The following PDGFD variants were observed in gnomAD, a reference collection of about 807,000 sequenced individuals.
The protein encoded by PDGFD is platelet-derived growth factor D.
Under a neutral mutation model 44.7 loss-of-function variants are expected in PDGFD, and 30 were observed. The observed-to-expected ratio is 0.67, with a 90% CI of 0.50 to 0.91. PDGFD has a LOEUF of 0.91. PDGFD is among the 40% of genes least tolerant of loss of function. PDGFD has a pLI of 0.00. For missense variants in PDGFD, 445 were observed against 457.8 expected, an observed-to-expected ratio of 0.97 and a Z score of 0.25; for synonymous variants, 173 against 168.4, an observed-to-expected ratio of 1.03 and a Z score of -0.21.
At chr11:103,947,610 T>A in intron 4 of PDGFD, 52 bp downstream of exon 4, 1 of 1,446,902 alleles carries the variant, frequency 6.9e-7, no homozygotes, top group Non-Finnish European at 9.7e-7. Context: ...GGGGTTGACC[T>A]TAGCTGTTCC....
intron 3 of PDGFD, among the ~76,000 whole-genome samples, chr11:103,964,167 CT>C (rs974331242): frequency 6.6e-6 from 1 of 152,152 alleles, no homozygotes; most frequent in Non-Finnish European, 1.5e-5. Context: ...TGACCAGAAG[CT>C]TTAAAACATA....
At chr11:103,999,165 C>G (rs1291747622) in intron 2 of PDGFD, among the ~76,000 whole-genome samples, 2 of 152,106 alleles carry the variant, frequency 1.3e-5, no homozygotes, top group Non-Finnish European at 2.9e-5. Context: ...ATAATAAAAG[C>G]TGTCAGCATA....
chr11:104,071,847 C>T (rs1303702796), intron 1 of PDGFD, among the ~76,000 whole-genome samples: 8 of 151,544 alleles, frequency 5.3e-5, no homozygotes, highest in African/African-American at 9.7e-5. Flanking sequence ...TAAAAAGATT[C>T]ATCTTCACTC....
chr11:104,031,028 G>T (rs1418623873), intron 1 of PDGFD, among the ~76,000 whole-genome samples: 1 of 152,006 alleles, frequency 6.6e-6, no homozygotes, highest in Admixed American at 6.6e-5. Flanking sequence ...TACGCAAAAC[G>T]ATCAAAACCC....
intron 4 of PDGFD, 107 bp from the exon 5 acceptor site, chr11:103,943,757 A>G (rs540348223): frequency 1.1e-6 from 1 of 882,870 alleles, no homozygotes; most frequent in East Asian, 2.7e-5. Flanking sequence ...TGAGTATAAG[A>G]CATCATACGT....
At chr11:104,141,420 C>T (rs566823926) in intron 1 of PDGFD, among the ~76,000 whole-genome samples, 11 of 148,132 alleles carry the variant, frequency 7.4e-5, no homozygotes, top group African/African-American at 2.8e-4. Context: ...TTTTTAGAGT[C>T]AGGATCTTGC....
At chr11:104,005,184 C>T (rs1321223157) in intron 1 of PDGFD, among the ~76,000 whole-genome samples, 1 of 152,104 alleles carries the variant, frequency 6.6e-6, no homozygotes, top group African/African-American at 2.4e-5. Context: ...CAAGTCATTA[C>T]CACCATTTGA....
At chr11:103,955,485 A>T (rs1858829473) in intron 3 of PDGFD, among the ~76,000 whole-genome samples, 1 of 152,242 alleles carries the variant, frequency 6.6e-6, no homozygotes, top group African/African-American at 2.4e-5. Context: ...AGCAAAAATT[A>T]AAAACCCTTA....
chr11:103,940,017 G>A (rs997658010), intron 5 of PDGFD, among the ~76,000 whole-genome samples: 1 of 151,958 alleles, frequency 6.6e-6, no homozygotes, highest in Non-Finnish European at 1.5e-5. Flanking sequence ...ACATTATTGC[G>A]TTGACATCCT....
At chr11:103,994,099 A>G (rs1859498904) in intron 3 of PDGFD, among the ~76,000 whole-genome samples, 1 of 152,184 alleles carries the variant, frequency 6.6e-6, no homozygotes, top group Non-Finnish European at 1.5e-5. Context: ...AAAAGTATCC[A>G]TTCTCCCTTA....
chr11:103,967,735 A>G (rs1441645379), intron 3 of PDGFD, among the ~76,000 whole-genome samples: 1 of 152,134 alleles, frequency 6.6e-6, no homozygotes, highest in Non-Finnish European at 1.5e-5. Context: ...TACAAACCCA[A>G]TAAACTGTGT....
intron 3 of PDGFD, among the ~76,000 whole-genome samples, chr11:103,953,799 C>T (rs1363478016): frequency 2.0e-5 from 3 of 152,182 alleles, no homozygotes; most frequent in African/African-American, 7.2e-5. Context: ...CTTGTAGATA[C>T]GTTTCTCACC....
At position 103,943,561 on chromosome 11, in the gene PDGFD, T is replaced by C. The variant is rs12798101; in HGVS notation, c.663A>G (p.Glu221=). Residue 221 remains glutamate (E), a synonymous_variant, in exon 5 of 7, where the codon GAA becomes GAG. Coordinates refer to ENST00000393158, the MANE Select transcript of PDGFD (RefSeq NM_025208.5). ...CTGGATTGAAGTACTTGAGCAGATC[T>C]TCCACTGTATCAAATTCTGCAATTT... ...DKKIAEFDTV[E]DLLKYFNPES... is the part of the protein sequence containing the mutation. 2 of 1,613,402 alleles carry C rather than the reference T, an allele frequency of 1.2e-6. No individual in the cohort carries two copies. The highest frequency in any genetic ancestry group is 1.7e-6 in the Non-Finnish European group (2 of 1,179,620).
intron 1 of PDGFD, among the ~76,000 whole-genome samples, chr11:104,011,998 T>C (rs770851926): frequency 7.2e-5 from 11 of 152,084 alleles, no homozygotes; most frequent in Non-Finnish European, 1.3e-4. Flanking sequence ...GCAGTAGAAA[T>C]TATGAAATGT....
chr11:103,953,124 C>T (rs1012399940), intron 3 of PDGFD, among the ~76,000 whole-genome samples: 3 of 150,644 alleles, frequency 2.0e-5, no homozygotes, highest in East Asian at 2.0e-4. Flanking sequence ...AAAATCGATA[C>T]ACCTTATATA....
At chr11:104,149,109 C>A (rs1226878511) in intron 1 of PDGFD, among the ~76,000 whole-genome samples, 1 of 152,122 alleles carries the variant, frequency 6.6e-6, no homozygotes, top group African/African-American at 2.4e-5. Flanking sequence ...GAACCTTGGG[C>A]TCAGAAATTC....
chr11:103,917,907 G>A (rs1463685065), intron 6 of PDGFD, among the ~76,000 whole-genome samples: 1 of 152,162 alleles, frequency 6.6e-6, no homozygotes, highest in East Asian at 1.9e-4. Context: ...GATGCCTGGA[G>A]TCCCCTGCAC....
chr11:104,064,239 G>C (rs1234429024), intron 1 of PDGFD, among the ~76,000 whole-genome samples: 1 of 152,194 alleles, frequency 6.6e-6, no homozygotes, highest in Non-Finnish European at 1.5e-5. Flanking sequence ...AACTGACTGT[G>C]TTGATGGGTT....
chr11:104,068,437 T>C (rs1324645842), intron 1 of PDGFD, among the ~76,000 whole-genome samples: 2 of 152,186 alleles, frequency 1.3e-5, no homozygotes, highest in Non-Finnish European at 2.9e-5. Context: ...CTTTTGTAAT[T>C]TGTGATTAAA....
Sources: gnomAD v4.1 joint callset for allele counts (sites outside exome capture counted in the v4.1 genomes callset) on GRCh38, gnomAD v4.1.1 for gene constraint, MANE v1.5 for transcripts, NCBI Gene and HGNC (gene_info 2026-07-23, HGNC 2026-07-21) for gene names.